The following RBFOX3 variants were observed in gnomAD, a reference collection of about 807,000 sequenced individuals.
RBFOX3 encodes RNA binding fox-1 homolog 3.
A neutral mutation model predicts 48.7 loss-of-function variants in RBFOX3; 17 were observed. The ratio of observed to expected loss-of-function variants is 0.35; its 90% CI spans 0.24 to 0.52. The LOEUF (loss-of-function observed/expected upper bound fraction) is 0.52. RBFOX3 is among the 20% of genes least tolerant of loss of function. The pLI is 0.94. For synonymous variants in RBFOX3, 212 were observed against 209.5 expected (o/e 1.01, Z -0.10); for missense variants, 382 against 497.5 (o/e 0.77, Z 2.21).
chr17:79,332,899 G>C (rs1437515552), intron 2 of RBFOX3, among the ~76,000 whole-genome samples: 1 of 143,204 alleles, frequency 7.0e-6, no homozygotes, highest in Non-Finnish European at 1.5e-5. Flanking sequence ...AAAGAGAACA[G>C]GGACAGAGAG....
chr17:79,225,504 TG>T (rs2060212848), intron 4 of RBFOX3, among the ~76,000 whole-genome samples: 1 of 152,188 alleles, frequency 6.6e-6, no homozygotes, highest in Non-Finnish European at 1.5e-5. Flanking sequence ...TTGCCCAGGC[TG>T]GTCTCAAACT....
intron 4 of RBFOX3, among the ~76,000 whole-genome samples, chr17:79,221,036 C>T (rs1423552312): frequency 2.0e-5 from 3 of 152,248 alleles, no homozygotes; most frequent in Admixed American, 2.0e-4. Context: ...TCTCCACTAA[C>T]CCACCCTGCT....
At chr17:79,652,551 AAGAG>A in the RBFOX3 span, among the ~76,000 whole-genome samples, 27 of 8,434 alleles carry the variant, frequency 3.2e-3, no homozygotes, top group African/African-American at 0.011. Flanking sequence ...GAACGAGAGA[AAGAG>A]AGGAAGGAAA....
intron 1 of RBFOX3, among the ~76,000 whole-genome samples, chr17:79,508,524 G>C (rs1427917004): frequency 2.0e-5 from 3 of 152,076 alleles, no homozygotes; most frequent in African/African-American, 7.2e-5. Context: ...CACCCCCACA[G>C]GCCTCTGCAG....
chr17:79,476,926 G>C (rs1388812083), intron 2 of RBFOX3, among the ~76,000 whole-genome samples: 5 of 151,964 alleles, frequency 3.3e-5, no homozygotes, highest in African/African-American at 1.2e-4. Context: ...AGGAAAAGGA[G>C]ACGGAAGAGG....
chr17:79,417,054 C>T (rs1212365017), intron 2 of RBFOX3, among the ~76,000 whole-genome samples: 1 of 152,224 alleles, frequency 6.6e-6, no homozygotes, highest in African/African-American at 2.4e-5. Context: ...GTCCCTGCCG[C>T]TCTCCCCAGC....
chr17:79,374,768 A>G (rs1270464617), intron 2 of RBFOX3, among the ~76,000 whole-genome samples: 2 of 152,254 alleles, frequency 1.3e-5, no homozygotes, highest in African/African-American at 4.8e-5. Flanking sequence ...CTTTAGCAAA[A>G]GGGTTATTTT....
intron 4 of RBFOX3, among the ~76,000 whole-genome samples, chr17:79,152,329 G>A (rs544106746): frequency 2.0e-5 from 3 of 152,276 alleles, no homozygotes; most frequent in Non-Finnish European, 2.9e-5. Flanking sequence ...CGGCTGCTTC[G>A]GGTCAGCAAA....
intron 3 of RBFOX3, among the ~76,000 whole-genome samples, chr17:79,265,342 C>T (rs571850490): frequency 4.6e-5 from 7 of 152,324 alleles, no homozygotes; most frequent in South Asian, 2.1e-4. Flanking sequence ...AGCTGGCCTC[C>T]GGGGCTCCCA....
chr17:79,330,609 C>T (rs1162637683), intron 2 of RBFOX3, among the ~76,000 whole-genome samples: 1 of 152,194 alleles, frequency 6.6e-6, no homozygotes, highest in Non-Finnish European at 1.5e-5. Flanking sequence ...CTCCTGTCTC[C>T]CCCAGGCCTC....
chr17:79,183,738 G>A (rs1333748316), intron 4 of RBFOX3, among the ~76,000 whole-genome samples: 1 of 152,204 alleles, frequency 6.6e-6, no homozygotes, highest in Non-Finnish European at 1.5e-5. Flanking sequence ...CGTGTGTAGC[G>A]GTGGGAGGGG....
At chr17:79,619,308 T>C in the RBFOX3 span, among the ~76,000 whole-genome samples, 2,490 of 152,240 alleles carry the variant, frequency 0.016, 63 homozygotes, top group African/African-American at 0.057. Flanking sequence ...CAGAAACTTA[T>C]TCTCTCACAG....
intron 3 of RBFOX3, among the ~76,000 whole-genome samples, chr17:79,273,119 TG>T: frequency 6.6e-6 from 1 of 152,244 alleles, no homozygotes; most frequent in East Asian, 1.9e-4. Flanking sequence ...CAGGAGTCCC[TG>T]GCGGAATCTA....
chr17:79,275,128 CTCT>C (rs2068531412), intron 3 of RBFOX3, among the ~76,000 whole-genome samples: 2 of 89,044 alleles, frequency 2.2e-5, no homozygotes, highest in African/African-American at 4.8e-5. Context: ...GTCTCCCTCT[CTCT>C]CTCTCTCTCT....
At chr17:79,116,567 G>A (rs1162305459) in intron 4 of RBFOX3, among the ~76,000 whole-genome samples, 1 of 152,244 alleles carries the variant, frequency 6.6e-6, no homozygotes, top group African/African-American at 2.4e-5. Context: ...GTGAGAGGGC[G>A]GCGCTGCCCA....
chr17:79,211,226 G>T (rs2058339467), intron 4 of RBFOX3, among the ~76,000 whole-genome samples: 1 of 152,232 alleles, frequency 6.6e-6, no homozygotes, highest in Non-Finnish European at 1.5e-5. Context: ...CTGGTCTGGT[G>T]GGTGGCTGTG....
intron 2 of RBFOX3, among the ~76,000 whole-genome samples, chr17:79,469,140 A>AG (rs1321258769): frequency 7.4e-6 from 1 of 135,284 alleles, no homozygotes; most frequent in East Asian, 2.0e-4. Flanking sequence ...GAGAAAATGT[A>AG]GGGAAAAAAC....
rs982031765 is a variant in RBFOX3 at position 79,479,002 on chromosome 17, C to T, written c.-175+3452G>A. Among the ~76,000 whole-genome samples the T allele has an allele frequency of 2.6e-5, 4 of 152,296 alleles. No homozygotes were observed. The highest frequency in any genetic ancestry group is 6.5e-5 in the Admixed American group (1 of 15,302). On this transcript the variant is annotated intron_variant, in intron 2 of 14. Coordinates refer to ENST00000693108, the MANE Select transcript of RBFOX3 (RefSeq NM_001350451.2). The surrounding 1 kb of genome is among the most constrained non-coding windows in gnomAD (Gnocchi z 5.1). ...CACACTCTCCTTTGAAGCAAGGACT[C>T]GCCTGCAGTGATGGGGAGTCTCGGT...
chr17:79,399,535 G>A (rs553877171), intron 2 of RBFOX3, among the ~76,000 whole-genome samples: 105 of 152,156 alleles, frequency 6.9e-4, no homozygotes, highest in African/African-American at 2.4e-3. Flanking sequence ...TTCACCATCA[G>A]GGGTCATCAA....
Sources: allele counts gnomAD v4.1 joint callset (sites outside exome capture counted in the v4.1 genomes callset), GRCh38; gene constraint gnomAD v4.1.1; non-coding constraint Gnocchi (gnomAD v3.1); transcripts MANE v1.5; gene names NCBI Gene and HGNC (gene_info 2026-07-23, HGNC 2026-07-21).